Variants in DLEC1 observed in about 807,000 individuals in gnomAD.
DLEC1 encodes the protein DLEC1 cilia and flagella associated protein.
DLEC1 carries 146 observed loss-of-function variants against 198.1 expected under a neutral mutation model. That is an observed-to-expected ratio of 0.74 (90% confidence interval 0.64 to 0.85). The LOEUF is 0.85. DLEC1 is among the 40% of genes least tolerant of loss of function. The pLI is 0.00. For synonymous variants in DLEC1, 897 were observed against 866.8 expected (o/e 1.03, Z -0.61); for missense variants, 2,233 against 2,220.0 (o/e 1.01, Z -0.12).
At chr3:38,049,734 G>C (rs1701027449) in intron 2 of DLEC1, among the ~76,000 whole-genome samples, 1 of 152,192 alleles carries the variant, frequency 6.6e-6, no homozygotes, top group African/African-American at 2.4e-5. Context: ...GGAAAGAATT[G>C]TATCAGAAGA....
In DLEC1 at chr3:38,088,348, C is replaced by T. The variant is rs371872302; in HGVS notation, c.1625C>T (p.Ser542Leu). 1.3e-5 allele frequency: 21 copies of T among 1,613,908 alleles called. No individual in the cohort carries two copies. The highest frequency in any genetic ancestry group is 5.3e-5 in the African/African-American group (4 of 74,924). The change falls in exon 10 of 37, where the codon TCG becomes TTG. Residue 542 changes from serine to leucine, a missense_variant. Coordinates refer to ENST00000308059, the MANE Select transcript of DLEC1 (RefSeq NM_007335.4). ...VEQPPFGILPSVFELAPGHAI... is the reference protein window; with the variant it reads ...VEQPPFGILPLVFELAPGHAI... ...CAACCTCCTTTTGGAATCCTGCCTTCGGTGTTTGAGCTGGCCCCGGGACAT... is the reference window on the plus strand; with the variant it reads ...CAACCTCCTTTTGGAATCCTGCCTTTGGTGTTTGAGCTGGCCCCGGGACAT...
intron 2 of DLEC1, among the ~76,000 whole-genome samples, chr3:38,049,931 G>A (rs530813358): frequency 2.9e-4 from 44 of 152,298 alleles, no homozygotes; most frequent in Non-Finnish European, 5.0e-4. Context: ...TTCCCAGAAG[G>A]CACCTCCCAC....
intron 27 of DLEC1, 40 bp downstream of exon 27, chr3:38,115,093 G>A: frequency 1.2e-6 from 2 of 1,610,788 alleles, no homozygotes; most frequent in Non-Finnish European, 1.7e-6. Flanking sequence ...CTTGCCACAG[G>A]CTGTGCCTTG....
intron 18 of DLEC1, 92 bp downstream of exon 18, chr3:38,097,994 A>G (rs1699122052): frequency 5.6e-5 from 85 of 1,510,326 alleles, no homozygotes; most frequent in Non-Finnish European, 7.0e-5. Flanking sequence ...TTTAGATCAG[A>G]GCTTCGAGGC....
Position 38,115,046 on chromosome 3 carries a change from C to G in DLEC1, c.3849C>G (p.Ser1283Arg). 1.2e-6 allele frequency: 2 copies of G among 1,613,964 alleles called. No homozygotes were observed. The highest frequency in any genetic ancestry group is 1.7e-6 in the Non-Finnish European group (2 of 1,179,930). Residue 1283 changes from serine (S) to arginine (R), a missense_variant, in exon 27 of 37, where the codon AGC becomes AGG. Transcript: ENST00000308059. ...VTRTLRLNNS[S>R]PCDIRLDWET... is the part of the protein sequence containing the mutation. ...GAACCCTTCGCCTGAATAACTCCAGCCCCTGTGGTAAGACATGCATGAGAG... is the reference window on the plus strand; with the variant it reads ...GAACCCTTCGCCTGAATAACTCCAGGCCCTGTGGTAAGACATGCATGAGAG...
chr3:38,108,492 T>C lies in DLEC1; in HGVS notation c.3106T>C (p.Leu1036=), dbSNP rs753785869. 2 of 1,613,886 alleles carry C rather than the reference T, an allele frequency of 1.2e-6. No homozygotes were observed. Among genetic ancestry groups the C allele is most frequent in the East Asian group, 2.2e-5 (1 of 44,892 alleles). Residue 1036 remains leucine (L), a synonymous_variant, in exon 21 of 37, where the codon TTG becomes CTG. Transcript: ENST00000308059. The part of the protein sequence containing the change: ...LGPSEECQLK[L]ELTAHTQEEL... ...CCCAAGTGAGGAGTGCCAGCTCAAGTTGGAGTTGACTGCTCATACCCAGGT... is the reference window on the plus strand; with the variant it reads ...CCCAAGTGAGGAGTGCCAGCTCAAGCTGGAGTTGACTGCTCATACCCAGGT...
rs138827845 is a variant in DLEC1 at position 38,107,835 on chromosome 3, G to A, written c.3018+98G>A. On this transcript the variant is annotated intron_variant, in intron 20 of 36. Coordinates refer to ENST00000308059, the MANE Select transcript of DLEC1 (RefSeq NM_007335.4). Reference sequence around the variant, plus strand: ...GTCCCCCAAATATCCTCACAGAACAGAGATACTCAGCCTCCCTCCCACAGC... The same window carrying A: ...GTCCCCCAAATATCCTCACAGAACAAAGATACTCAGCCTCCCTCCCACAGC... The A allele has an allele frequency of 3.0e-5, 42 of 1,381,342 alleles. No homozygotes were observed. In the East Asian group the frequency reaches 5.2e-4, roughly 17 times the overall value. 85.6% of individuals were successfully genotyped at this position (1,381,342 alleles called of 1,614,324 possible). A position where few individuals can be genotyped will look rare whatever the true frequency, so the allele number is the denominator to read the frequency against.
chr3:38,090,740 G>A (rs1698704952), intron 10 of DLEC1, among the ~76,000 whole-genome samples: 1 of 152,220 alleles, frequency 6.6e-6, no homozygotes, highest in South Asian at 2.1e-4. Flanking sequence ...ACAGCAGTAT[G>A]TAAGGGTGTC....
chr3:38,084,080 T>C, intron 6 of DLEC1, 78 bp from the exon 7 acceptor site: 3 of 1,401,688 alleles, frequency 2.1e-6, no homozygotes, highest in Non-Finnish European at 3.0e-6. Flanking sequence ...CCTTCTCATA[T>C]TAGAGTAAAT....
intron 6 of DLEC1, among the ~76,000 whole-genome samples, chr3:38,065,300 C>A (rs1319281784): frequency 2.0e-5 from 3 of 152,056 alleles, no homozygotes; most frequent in African/African-American, 7.2e-5. Flanking sequence ...ACAGTCCAGC[C>A]TCCGCTCGGC....
chr3:38,046,547 G>A (rs758637717), intron 2 of DLEC1, among the ~76,000 whole-genome samples: 1 of 152,140 alleles, frequency 6.6e-6, no homozygotes, highest in Non-Finnish European at 1.5e-5. Context: ...GTGGAACTGT[G>A]AGTCCATTAA....
chr3:38,066,476 T>C (rs1411673320), intron 6 of DLEC1, among the ~76,000 whole-genome samples: 2 of 152,348 alleles, frequency 1.3e-5, no homozygotes, highest in East Asian at 1.9e-4. Context: ...TAAGCAAATA[T>C]GTATATATAG....
chr3:38,121,295 A>G (rs1441074011), intron 34 of DLEC1, among the ~76,000 whole-genome samples: 5 of 152,162 alleles, frequency 3.3e-5, no homozygotes, highest in East Asian at 1.9e-4. Flanking sequence ...TCCACGGCTG[A>G]GAGGAGCTGA....
At chr3:38,093,916 AC>A in intron 12 of DLEC1, 149 bp downstream of exon 12, 1 of 1,052,618 alleles carries the variant, frequency 9.5e-7, no homozygotes, top group Non-Finnish European at 1.4e-6. Flanking sequence ...ATCCAGATTG[AC>A]CCAGTCTATC....
At chr3:38,121,589 G>GCCCA in intron 34 of DLEC1, 39 bp from the exon 35 acceptor site, 2 of 1,596,846 alleles carry the variant, frequency 1.3e-6, no homozygotes, top group South Asian at 2.2e-5. Context: ...CTGGCTCAGA[G>GCCCA]CCCACCCAGA....
chr3:38,080,802 C>CTTTTTTTTTTTTT (rs76282097), intron 6 of DLEC1, among the ~76,000 whole-genome samples: 1 of 112,798 alleles, frequency 8.9e-6, no homozygotes, highest in African/African-American at 3.4e-5. Context: ...TTCGGGTGTT[C>CTTTTTTTTTTTTT]TTTTTTTTTT....
At chr3:38,108,365 G>A in intron 20 of DLEC1, 40 bp from the exon 21 acceptor site, 1 of 1,540,142 alleles carries the variant, frequency 6.5e-7, no homozygotes, top group Non-Finnish European at 9.0e-7. Flanking sequence ...CATTCTGGGA[G>A]CCCAGTAAGT....
At position 38,117,260 on chromosome 3, in the gene DLEC1, G is replaced by A. The variant is rs1700226412; in HGVS notation, c.4358G>A (p.Gly1453Glu). 1.2e-6 allele frequency: 2 copies of A among 1,614,140 alleles called. No individual in the cohort carries two copies. The highest frequency in any genetic ancestry group is 1.6e-4 in the Middle Eastern group (1 of 6,062). Residue 1453 changes from glycine (G) to glutamate (E), a missense_variant, in exon 31 of 37, where the codon GGA becomes GAA. Transcript: ENST00000308059. ...CATCGCCTGCAGGACTTTGCGGTGGGACCCCTGAAACTGGACCTGCATAGC... is the reference window on the plus strand; with the variant it reads ...CATCGCCTGCAGGACTTTGCGGTGGAACCCCTGAAACTGGACCTGCATAGC... ...KRHRLQDFAV[G>E]PLKLDLHSYV...
rs180721572 is a variant in DLEC1, at chr3:38,088,236, A to G, written c.1573-60A>G. On this transcript the variant is annotated intron_variant, in intron 9 of 36. Coordinates refer to ENST00000308059, the MANE Select transcript of DLEC1 (RefSeq NM_007335.4). ...GATGTTTGAAGGAGAGAAGTTTGCA[A>G]TCTGAATACTGGCTTTTACAATGTC... The G allele has an allele frequency of 7.5e-6, 11 of 1,476,010 alleles. No homozygotes were observed. In the Admixed American group the frequency reaches 8.8e-5, roughly 12 times the overall value. 91.4% of individuals were successfully genotyped at this position (1,476,010 alleles called of 1,614,324 possible). A position where few individuals can be genotyped will look rare whatever the true frequency, so the allele number is the denominator to read the frequency against.
Sources: allele counts gnomAD v4.1 joint callset (sites outside exome capture counted in the v4.1 genomes callset), GRCh38; gene constraint gnomAD v4.1.1; transcripts MANE v1.5; gene names NCBI Gene and HGNC (gene_info 2026-07-23, HGNC 2026-07-21).